The following PAX5 variants were observed in gnomAD, a reference collection of about 807,000 sequenced individuals.
PAX5 encodes paired box protein Pax-5.
A neutral mutation model predicts 43.7 loss-of-function variants in PAX5; 9 were observed. The ratio of observed to expected loss-of-function variants is 0.21; its 90% CI spans 0.12 to 0.36. PAX5 has a LOEUF of 0.36. Among genes scored for constraint, PAX5 ranks in the 10% least tolerant of loss-of-function variants. PAX5 has a pLI of 1.00. For synonymous variants in PAX5, 228 were observed against 214.3 expected (o/e 1.06, Z -0.56); for missense variants, 383 against 532.7 (o/e 0.72, Z 2.77).
intron 6 of PAX5, among the ~76,000 whole-genome samples, chr9:36,957,961 G>T (rs1385420651): frequency 1.3e-5 from 2 of 152,114 alleles, no homozygotes; most frequent in South Asian, 2.1e-4. Context: ...TTTCCCAGGG[G>T]TACCCTCTGG....
At chr9:36,938,390 C>A (rs924088687) in intron 6 of PAX5, among the ~76,000 whole-genome samples, 1 of 152,178 alleles carries the variant, frequency 6.6e-6, no homozygotes, top group African/African-American at 2.4e-5. Context: ...TTTCTTCTCC[C>A]TTACACACAC....
chr9:36,900,367 G>A (rs958940116), intron 7 of PAX5, among the ~76,000 whole-genome samples: 3 of 152,210 alleles, frequency 2.0e-5, no homozygotes, highest in African/African-American at 7.2e-5. Context: ...AAGGGTCTGC[G>A]TCCACAGGCG....
intron 3 of PAX5, among the ~76,000 whole-genome samples, chr9:37,012,412 G>A (rs1385084513): frequency 6.6e-6 from 1 of 152,196 alleles, no homozygotes; most frequent in Non-Finnish European, 1.5e-5. Context: ...ACAGGATAGA[G>A]TCAAGCCTTA....
intron 6 of PAX5, among the ~76,000 whole-genome samples, chr9:36,949,135 C>T (rs533975382): frequency 6.6e-6 from 1 of 152,274 alleles, no homozygotes; most frequent in East Asian, 1.9e-4. Flanking sequence ...AATCTCGGCT[C>T]ACTGCAACCT....
intron 5 of PAX5, among the ~76,000 whole-genome samples, chr9:36,970,506 C>T (rs991280594): frequency 1.3e-5 from 2 of 152,132 alleles, no homozygotes; most frequent in Non-Finnish European, 2.9e-5. Context: ...ATGTGCCCTC[C>T]ACATTTCTCA....
intron 3 of PAX5, among the ~76,000 whole-genome samples, chr9:37,014,151 T>C (rs1839196196): frequency 6.6e-6 from 1 of 152,244 alleles, no homozygotes; most frequent in South Asian, 2.1e-4. Context: ...TAAATGGAGT[T>C]GAAATTTCAT....
At chr9:36,952,234 C>CA (rs1833064657) in intron 6 of PAX5, among the ~76,000 whole-genome samples, 1 of 66,626 alleles carries the variant, frequency 1.5e-5, no homozygotes, top group Non-Finnish European at 2.6e-5. Context: ...GACCATCTCC[C>CA]TTTTTTTTTT....
At chr9:36,883,724 T>C (rs1826663556) in intron 7 of PAX5, among the ~76,000 whole-genome samples, 1 of 151,526 alleles carries the variant, frequency 6.6e-6, no homozygotes, top group South Asian at 2.1e-4. Flanking sequence ...CAACAATACA[T>C]CAGCCAATAA....
At chr9:36,847,293 T>C (rs187361470) in intron 8 of PAX5, among the ~76,000 whole-genome samples, 5 of 152,258 alleles carry the variant, frequency 3.3e-5, no homozygotes, top group Non-Finnish European at 5.9e-5. Flanking sequence ...TGATACACCT[T>C]GCTAAGTTCA....
chr9:36,865,415 G>A (rs1432908045), intron 8 of PAX5, among the ~76,000 whole-genome samples: 1 of 152,210 alleles, frequency 6.6e-6, no homozygotes, highest in Non-Finnish European at 1.5e-5. Flanking sequence ...CCTAGGTCTT[G>A]AGAAATTCAT....
chr9:37,009,796 A>AAT (rs10545230), intron 3 of PAX5, among the ~76,000 whole-genome samples: 3 of 151,340 alleles, frequency 2.0e-5, no homozygotes, highest in South Asian at 4.2e-4. Flanking sequence ...TGTACTCATA[A>AAT]ATATATATAT....
chr9:36,912,814 T>G (rs955273636), intron 7 of PAX5, among the ~76,000 whole-genome samples: 4 of 152,212 alleles, frequency 2.6e-5, no homozygotes, highest in African/African-American at 9.6e-5. Context: ...AGACACCCCT[T>G]CGGTGGCTCT....
At position 37,020,174 on chromosome 9, in the gene PAX5, G is replaced by C. The variant is rs192606556; in HGVS notation, c.212+462C>G. On this transcript the variant is annotated intron_variant, in intron 2 of 9. Transcript: ENST00000358127. Reference sequence around the variant, plus strand: ...ACTGCGATGGAAATAAAAACATAGAGAAGGAAAATACTGCAGCCCAACATA... The same window carrying C: ...ACTGCGATGGAAATAAAAACATAGACAAGGAAAATACTGCAGCCCAACATA... 2.0e-5 allele frequency among the ~76,000 whole-genome samples: 3 copies of C among 151,746 alleles called. No homozygotes were observed. The East Asian group carries it at 5.8e-4, about 29-fold the overall frequency.
rs998900424 is a variant in PAX5, at chr9:37,015,889, T to C, written c.213-695A>G. 2.6e-5 allele frequency among the ~76,000 whole-genome samples: 4 copies of C among 152,244 alleles called. No individual in the cohort carries two copies. The highest frequency in any genetic ancestry group is 7.2e-5 in the African/African-American group (3 of 41,460). On this transcript the variant is annotated intron_variant, in intron 2 of 9. Coordinates refer to ENST00000358127, the MANE Select transcript of PAX5 (RefSeq NM_016734.3). The surrounding 1 kb of genome is among the most constrained non-coding windows in gnomAD (Gnocchi z 4.4). ...GCCACCACGCCCGGCCAGTCTCTCA[T>C]TGTATTTCTATTGGACAGCACTGGC...
At chr9:36,977,332 A>G (rs1835523819) in intron 5 of PAX5, among the ~76,000 whole-genome samples, 2 of 151,288 alleles carry the variant, frequency 1.3e-5, no homozygotes, top group Admixed American at 1.3e-4. Flanking sequence ...GGGAAGAAAA[A>G]AAAGAGTAAC....
chr9:36,906,094 C>T (rs79790096), intron 7 of PAX5, among the ~76,000 whole-genome samples: 7,532 of 152,152 alleles, frequency 0.05, 237 homozygotes, highest in East Asian at 0.096. Flanking sequence ...ACAGGACACA[C>T]GGTGCTCAAG....
chr9:36,969,858 G>C (rs6476602), intron 5 of PAX5, among the ~76,000 whole-genome samples: 23,563 of 152,194 alleles, frequency 0.15, 2,183 homozygotes, highest in African/African-American at 0.26. Flanking sequence ...CCAGCACCTC[G>C]CTTGCTTTCT....
intron 3 of PAX5, among the ~76,000 whole-genome samples, chr9:37,007,147 C>A (rs1322051383): frequency 6.6e-6 from 1 of 152,172 alleles, no homozygotes; most frequent in Non-Finnish European, 1.5e-5. Context: ...TAAGAGGAAG[C>A]CTACCTTGCA....
intron 7 of PAX5, among the ~76,000 whole-genome samples, chr9:36,909,886 A>T (rs902217690): frequency 1.0e-4 from 14 of 133,916 alleles, no homozygotes; most frequent in African/African-American, 4.1e-4. Context: ...CAGTGGCACG[A>T]TCATGGCTCA....
Sources: allele counts gnomAD v4.1 joint callset (sites outside exome capture counted in the v4.1 genomes callset), GRCh38; gene constraint gnomAD v4.1.1; non-coding constraint Gnocchi (gnomAD v3.1); transcripts MANE v1.5; gene names NCBI Gene and HGNC (gene_info 2026-07-23, HGNC 2026-07-21).